Variants in ENTPD1 observed in about 807,000 individuals in gnomAD.
ENTPD1 encodes ATP diphosphohydrolase.
In ENTPD1, 33 loss-of-function variants were observed where a neutral mutation model predicts 57.0. That is an observed-to-expected ratio of 0.58 (90% CI 0.44 to 0.77). The LOEUF is 0.77. Among genes scored for constraint, ENTPD1 ranks in the 30% least tolerant of loss-of-function variants. The pLI is 0.00. For synonymous variants in ENTPD1, 202 were observed against 218.8 expected (o/e 0.92, Z 0.68); for missense variants, 501 against 603.4 (o/e 0.83, Z 1.78).
the ENTPD1 span, among the ~76,000 whole-genome samples, chr10:95,700,995 T>C: frequency 6.6e-6 from 1 of 152,182 alleles, no homozygotes; most frequent in African/African-American, 2.4e-5. Context: ...GGTTTTGCCA[T>C]GTTGGCCAGG....
chr10:95,798,768 C>T (rs532498963), intron 1 of ENTPD1, among the ~76,000 whole-genome samples: 10 of 152,308 alleles, frequency 6.6e-5, no homozygotes, highest in African/African-American at 2.4e-4. Context: ...TTTGGTATCT[C>T]AAGCTTTTGT....
At chr10:95,742,548 T>TC (rs2098001545) in intron 1 of ENTPD1, among the ~76,000 whole-genome samples, 1 of 151,396 alleles carries the variant, frequency 6.6e-6, no homozygotes, top group African/African-American at 2.4e-5. Flanking sequence ...TTTCTTTTTT[T>TC]TTTTTTAGAC....
chr10:95,779,548 A>T (rs532108907), intron 1 of ENTPD1, among the ~76,000 whole-genome samples: 173 of 152,250 alleles, frequency 1.1e-3, no homozygotes, highest in African/African-American at 4.0e-3. Flanking sequence ...ATGTGCTGCA[A>T]CTTCTTTTCC....
chr10:95,810,352 A>G (rs1439949555), intron 1 of ENTPD1, among the ~76,000 whole-genome samples: 32 of 87,924 alleles, frequency 3.6e-4, no homozygotes, highest in East Asian at 7.5e-4. Context: ...GGGCAGAGGC[A>G]CTCCTCACCT....
the ENTPD1 span, among the ~76,000 whole-genome samples, chr10:95,697,715 G>T: frequency 6.6e-6 from 1 of 152,156 alleles, no homozygotes; most frequent in Non-Finnish European, 1.5e-5. Context: ...CAGCAAGAAG[G>T]TTCTTAAGAG....
chr10:95,788,444 C>T (rs1031895481), intron 1 of ENTPD1, among the ~76,000 whole-genome samples: 10 of 151,846 alleles, frequency 6.6e-5, no homozygotes, highest in Admixed American at 3.3e-4. Context: ...TGGTGAAACC[C>T]CATCTCTACT....
At chr10:95,797,368 C>T (rs2098230769) in intron 1 of ENTPD1, among the ~76,000 whole-genome samples, 1 of 152,024 alleles carries the variant, frequency 6.6e-6, no homozygotes, top group South Asian at 2.1e-4. Flanking sequence ...AAATACAGAT[C>T]AGGGAATCAC....
At chr10:95,770,269 G>GTT (rs770455072) in intron 1 of ENTPD1, among the ~76,000 whole-genome samples, 5 of 151,516 alleles carry the variant, frequency 3.3e-5, no homozygotes, top group Non-Finnish European at 7.4e-5. Context: ...GTGTGTGTGT[G>GTT]TGTGTGTGTG....
At chr10:95,847,361 G>A in intron 6 of ENTPD1, 85 bp from the exon 7 acceptor site, 5 of 1,511,072 alleles carry the variant, frequency 3.3e-6, no homozygotes, top group Non-Finnish European at 3.7e-6. Flanking sequence ...ATGTTGTACA[G>A]TGCCTACATA....
rs1406300031 is a variant in ENTPD1, at chr10:95,876,096, C to A, written c.*9713C>A. On this transcript the variant is annotated 3_prime_UTR_variant, in exon 10 of 10. Coordinates refer to ENST00000371205, the MANE Select transcript of ENTPD1 (RefSeq NM_001776.6). ...CAAGGTTTGAAACCTGAAATGCAGT[C>A]TATTATCATACATAACTAAAAATAG... 1.0e-6 allele frequency: 1 copy of A among 985,208 alleles called. No individual in the cohort carries two copies. Among genetic ancestry groups the A allele is most frequent in the African/African-American group, 1.7e-5 (1 of 57,212 alleles). 61.0% of individuals were successfully genotyped at this position (985,208 alleles called of 1,614,324 possible). A position where few individuals can be genotyped will look rare whatever the true frequency, so the allele number is the denominator to read the frequency against.
chr10:95,730,752 G>C (rs1589651636), intron 1 of ENTPD1, among the ~76,000 whole-genome samples: 1 of 152,126 alleles, frequency 6.6e-6, no homozygotes, highest in Non-Finnish European at 1.5e-5. Context: ...CAAAAATAGT[G>C]GCATTTCTTT....
chr10:95,805,353 T>C (rs1030350359), intron 1 of ENTPD1, among the ~76,000 whole-genome samples: 1 of 152,226 alleles, frequency 6.6e-6, no homozygotes, highest in African/African-American at 2.4e-5. Flanking sequence ...TAGATCTTCC[T>C]CCATCCATTT....
chr10:95,755,460 C>T, upstream of ENTPD1: 1 of 524,246 alleles, frequency 1.9e-6, no homozygotes, highest in Middle Eastern at 5.0e-4. Flanking sequence ...TTGGGGTAAT[C>T]TTGACGGTCT....
chr10:95,707,692 C>T (rs1354500979), upstream of ENTPD1, among the ~76,000 whole-genome samples: 1 of 152,196 alleles, frequency 6.6e-6, no homozygotes, highest in African/African-American at 2.4e-5. Flanking sequence ...GCAACCTCCA[C>T]TTCCTGCCTT....
chr10:95,756,075 G>T, upstream of ENTPD1: 1 of 1,508,478 alleles, frequency 6.6e-7, no homozygotes, highest in South Asian at 1.3e-5. Context: ...CAGGGTTTGA[G>T]GTTCCTTCCG....
intron 1 of ENTPD1, among the ~76,000 whole-genome samples, chr10:95,766,880 A>C (rs1159612800): frequency 2.0e-5 from 3 of 147,504 alleles, no homozygotes; most frequent in Admixed American, 2.0e-4. Flanking sequence ...TACTTGTAGC[A>C]ATCTTTTTTT....
chr10:95,719,392 T>C (rs1326492165), intron 1 of ENTPD1, among the ~76,000 whole-genome samples: 6 of 152,212 alleles, frequency 3.9e-5, no homozygotes, highest in Non-Finnish European at 7.3e-5. Context: ...TTTCTGAGTT[T>C]CCTTAATTAG....
intron 1 of ENTPD1, among the ~76,000 whole-genome samples, chr10:95,811,537 G>A (rs1012926560): frequency 1.3e-5 from 2 of 152,020 alleles, no homozygotes; most frequent in South Asian, 2.1e-4. Flanking sequence ...ACAAGCACAC[G>A]CCACCATACC....
Position 95,825,331 on chromosome 10 carries a change from G to A in ENTPD1, c.144+1967G>A, listed in dbSNP as rs532040928. ...TTCAAAACTAAGTTTAATGAATAGG[G>A]TGTATGATAAAACATTTTATAAAAT... is the stretch of plus-strand genomic sequence containing the variant. On this transcript the variant is annotated intron_variant, in intron 2 of 9. Transcript: ENST00000371205. Among the ~76,000 whole-genome samples, 3 of 152,256 alleles carry A rather than the reference G, an allele frequency of 2.0e-5. No homozygotes were observed. In the South Asian group the frequency reaches 6.2e-4, roughly 32 times the overall value.
Sources: allele counts gnomAD v4.1 joint callset (sites outside exome capture counted in the v4.1 genomes callset), GRCh38; gene constraint gnomAD v4.1.1; transcripts MANE v1.5; gene names NCBI Gene and HGNC (gene_info 2026-07-23, HGNC 2026-07-21).